Variants in BRF1 observed in about 807,000 individuals in gnomAD.
BRF1 encodes the protein BRF1 general transcription factor IIIB subunit.
Under a neutral mutation model 81.7 loss-of-function variants are expected in BRF1, and 59 were observed. The ratio of observed to expected loss-of-function variants is 0.72; its 90% CI spans 0.59 to 0.90. The LOEUF (loss-of-function observed/expected upper bound fraction) is 0.90. BRF1 is among the 40% of genes least tolerant of loss of function. BRF1 has a pLI of 0.00. For synonymous variants in BRF1, 491 were observed against 395.6 expected (o/e 1.24, Z -2.86); for missense variants, 1,050 against 936.3 (o/e 1.12, Z -1.58).
intron 3 of BRF1, among the ~76,000 whole-genome samples, chr14:105,258,686 C>T (rs2056009056): frequency 6.6e-6 from 1 of 151,918 alleles, no homozygotes; most frequent in Non-Finnish European, 1.5e-5. Context: ...GTAATCCCAG[C>T]TACTTGGGAG....
At chr14:105,225,139 C>G (rs1892879733) in intron 10 of BRF1, among the ~76,000 whole-genome samples, 1 of 152,248 alleles carries the variant, frequency 6.6e-6, no homozygotes, top group African/African-American at 2.4e-5. Flanking sequence ...AAAAGTACTT[C>G]CAGAGTTCGA....
intron 1 of BRF1, among the ~76,000 whole-genome samples, chr14:105,306,854 C>A (rs1436757168): frequency 6.6e-6 from 1 of 152,114 alleles, no homozygotes; most frequent in East Asian, 1.9e-4. Context: ...GATCCATCTG[C>A]CTTGGCCTCC....
Position 105,309,776 on chromosome 14 carries a change from CTTT to C in BRF1, c.-162+5543_-162+5545del, listed in dbSNP as rs928875653. On this transcript the variant is annotated intron_variant, in intron 1 of 17. Transcript: ENST00000327359. This position sits in a 1 kb window ranked among gnomAD's most constrained non-coding sequence, Gnocchi z 4.0. ...TTAAGGAGAAGGTGGTGATGTGTGTCTTTTTTTTTTTTTTTTTTTTTTTTTTTT... is the reference window on the plus strand; with the variant it reads ...TTAAGGAGAAGGTGGTGATGTGTGTCTTTTTTTTTTTTTTTTTTTTTTTTT... Among the ~76,000 whole-genome samples, 1,209 of 89,166 alleles carry C rather than the reference CTTT, an allele frequency of 0.014. 29 individuals carry two copies. Among genetic ancestry groups the C allele is most frequent in the African/African-American group, 0.06 (1,148 of 19,260 alleles). The allele number at this position is 89,166 out of a possible 152,430, so 58.5% of individuals were successfully genotyped here.
Position 105,300,748 on chromosome 14 carries a change from G to A in BRF1, c.-119C>T, listed in dbSNP as rs2057978349. On this transcript the variant is annotated 5_prime_UTR_variant, in exon 1 of 18. Coordinates refer to ENST00000547530, the MANE Select transcript of BRF1 (RefSeq NM_001519.4). The stretch of plus-strand genomic sequence containing the variant: ...CGCCCAGGCCTCGCCGCTCTCGCGA[G>A]GCCCCGCTCCAGCCGATTCGCAGCC... 5.0e-6 allele frequency: 4 copies of A among 799,556 alleles called. No homozygotes were observed. The highest frequency in any genetic ancestry group is 4.9e-6 in the Non-Finnish European group (3 of 607,418). 49.5% of individuals were successfully genotyped at this position (799,556 alleles called of 1,614,324 possible). A position where few individuals can be genotyped will look rare whatever the true frequency, so the allele number is the denominator to read the frequency against.
intron 1 of BRF1, among the ~76,000 whole-genome samples, chr14:105,295,935 C>A (rs587765339): frequency 4.6e-5 from 7 of 151,534 alleles, no homozygotes; most frequent in African/African-American, 1.7e-4. Flanking sequence ...AAAAACCAGC[C>A]GGGTATGGTA....
chr14:105,210,552 CAGT>C lies in BRF1; in HGVS notation c.2030_2032del (p.Tyr677del). On this transcript the variant is annotated inframe_deletion, in exon 18 of 18. Transcript: ENST00000547530. This position sits in a 1 kb window ranked among gnomAD's most constrained non-coding sequence, Gnocchi z 4.7. Reference sequence around the variant, plus strand: ...CATCACCTGCCTGGAGGCCACACTTCAGTAGCCGTCGTCCTCATCGCCATCACA... The same window carrying C: ...CATCACCTGCCTGGAGGCCACACTTCAGCCGTCGTCCTCATCGCCATCACA... 1 of 1,611,234 alleles carries C rather than the reference CAGT, an allele frequency of 6.2e-7. No homozygotes were observed. The highest frequency in any genetic ancestry group is 8.5e-7 in the Non-Finnish European group (1 of 1,179,896).
rs1258786081 is a variant in BRF1, at chr14:105,269,394, A to G, written c.439+3327T>C. 6.6e-6 allele frequency among the ~76,000 whole-genome samples: 1 copy of G among 152,136 alleles called. No homozygotes were observed. The highest frequency in any genetic ancestry group is 2.4e-5 in the African/African-American group (1 of 41,422). ...TGTTCCAAGCTGTCTTGTCCTTAGC[A>G]GCTTTATAAGGTACAAGTTTGTGCC... On this transcript the variant is annotated intron_variant, in intron 3 of 17. Transcript: ENST00000547530. The surrounding 1 kb of genome is among the most constrained non-coding windows in gnomAD (Gnocchi z 5.0).
chr14:105,296,681 C>CA (rs1056065241), intron 1 of BRF1, among the ~76,000 whole-genome samples: 11 of 70,054 alleles, frequency 1.6e-4, no homozygotes, highest in South Asian at 5.0e-4. Flanking sequence ...GACACCAGCT[C>CA]AAAAAAAAAG....
At chr14:105,264,726 A>T (rs1469392799) in intron 3 of BRF1, among the ~76,000 whole-genome samples, 1 of 151,338 alleles carries the variant, frequency 6.6e-6, no homozygotes, top group African/African-American at 2.4e-5. Context: ...CTGTAGTCCC[A>T]ACTACTATGG....
At chr14:105,228,025 C>T (rs761400515) in intron 7 of BRF1, 1 of 152,166 alleles carries the variant, frequency 6.6e-6, no homozygotes, top group Non-Finnish European at 1.5e-5. Context: ...AAATACCACC[C>T]AGCAAAGCCG....
intron 1 of BRF1, among the ~76,000 whole-genome samples, chr14:105,293,714 T>A (rs981108149): frequency 6.6e-6 from 1 of 152,122 alleles, no homozygotes; most frequent in Non-Finnish European, 1.5e-5. Flanking sequence ...CACCCTTCTC[T>A]CTGCACAGTC....
upstream of BRF1, among the ~76,000 whole-genome samples, chr14:105,302,431 G>A (rs991135259): frequency 3.3e-5 from 5 of 151,854 alleles, no homozygotes; most frequent in African/African-American, 9.7e-5. Flanking sequence ...TTGAACTCCC[G>A]ACCTCAGGTG....
chr14:105,263,368 A>C (rs1230152226), intron 3 of BRF1, among the ~76,000 whole-genome samples: 1 of 152,202 alleles, frequency 6.6e-6, no homozygotes, highest in Non-Finnish European at 1.5e-5. Context: ...AAGAGGAAGC[A>C]ACTTCAACAA....
chr14:105,241,504 C>A, intron 5 of BRF1, 90 bp from the exon 6 acceptor site: 2 of 1,539,314 alleles, frequency 1.3e-6, no homozygotes, highest in Non-Finnish European at 1.8e-6. Context: ...GGGCAACCTG[C>A]ACTTGTCTTT....
upstream of BRF1, among the ~76,000 whole-genome samples, chr14:105,305,742 T>C (rs1167170283): frequency 6.6e-6 from 1 of 152,098 alleles, no homozygotes; most frequent in African/African-American, 2.4e-5. Flanking sequence ...CCAGGAAGCT[T>C]GGAAACATTT....
At position 105,271,160 on chromosome 14, in the gene BRF1, C is replaced by T. The variant is rs1442033669; in HGVS notation, c.439+1561G>A. On this transcript the variant is annotated intron_variant, in intron 3 of 17. Coordinates refer to ENST00000547530, the MANE Select transcript of BRF1 (RefSeq NM_001519.4). This position sits in a 1 kb window ranked among gnomAD's most constrained non-coding sequence, Gnocchi z 5.5. ...CCCAAAGCAAAAAGATAGCCACGTG[C>T]AAAAAAGGATGAGATAACACATGGG... 6.6e-6 allele frequency among the ~76,000 whole-genome samples: 1 copy of T among 152,068 alleles called. No homozygotes were observed. Among genetic ancestry groups the T allele is most frequent in the Non-Finnish European group, 1.5e-5 (1 of 67,996 alleles).
intron 4 of BRF1, among the ~76,000 whole-genome samples, chr14:105,253,470 C>T (rs1014960762): frequency 3.9e-5 from 6 of 152,232 alleles, no homozygotes; most frequent in African/African-American, 1.4e-4. Context: ...AGAATTCCCT[C>T]GCCTGACCAA....
intron 5 of BRF1, chr14:105,242,057 T>G (rs1952941181): frequency 1.3e-5 from 2 of 152,656 alleles, no homozygotes; most frequent in African/African-American, 4.8e-5. Flanking sequence ...GAGGCCGGGA[T>G]GTGACTCCAC....
chr14:105,309,416 C>T lies in BRF1; in HGVS notation c.-162+5906G>A, dbSNP rs115948377. Among the ~76,000 whole-genome samples, 692 of 152,322 alleles carry T rather than the reference C, an allele frequency of 4.5e-3. 6 individuals carry two copies. The highest frequency in any genetic ancestry group is 0.016 in the African/African-American group (661 of 41,568). On this transcript the variant is annotated intron_variant, in intron 1 of 17. Transcript: ENST00000327359. The surrounding 1 kb of genome is among the most constrained non-coding windows in gnomAD (Gnocchi z 4.0). ...TCCGTTTTGCTGGTTATTCCACATC[C>T]CATGGGGTGGATGTGCCAGGGCAAG...
Sources: gnomAD v4.1 joint callset for allele counts (sites outside exome capture counted in the v4.1 genomes callset) on GRCh38, gnomAD v4.1.1 for gene constraint, Gnocchi (gnomAD v3.1) non-coding constraint, MANE v1.5 for transcripts, NCBI Gene and HGNC (gene_info 2026-07-23, HGNC 2026-07-21) for gene names.